ABCA1: variants seen among roughly 807,000 people sequenced by gnomAD.
ABCA1 encodes the protein ATP binding cassette subfamily A member 1.
ABCA1 carries 133 observed loss-of-function variants against 262.5 expected under a neutral mutation model. The ratio of observed to expected loss-of-function variants is 0.51; its 90% CI spans 0.44 to 0.59. The LOEUF (loss-of-function observed/expected upper bound fraction) is 0.59, where lower values mean the gene tolerates loss of function less well. Among genes scored for constraint, ABCA1 ranks in the 20% least tolerant of loss-of-function variants. ABCA1 has a pLI of 0.00. For synonymous variants in ABCA1, 1,022 were observed against 1,043.5 expected (o/e 0.98, Z 0.40); for missense variants, 2,452 against 2,777.5 (o/e 0.88, Z 2.63).
At chr9:104,843,502 C>T (rs1219727937) in intron 8 of ABCA1, among the ~76,000 whole-genome samples, 1 of 152,190 alleles carries the variant, frequency 6.6e-6, no homozygotes, top group African/African-American at 2.4e-5. Flanking sequence ...ACAACACAGG[C>T]TTTGGAATCC....
At chr9:104,785,278 A>G in intron 49 of ABCA1, 118 bp downstream of exon 49, 1 of 1,337,670 alleles carries the variant, frequency 7.5e-7, no homozygotes, top group East Asian at 2.4e-5. Context: ...TAGGAATAGT[A>G]GATCAGGAAT....
chr9:104,883,964 G>A (rs1053307411), intron 4 of ABCA1, among the ~76,000 whole-genome samples: 18 of 152,232 alleles, frequency 1.2e-4, no homozygotes, highest in Non-Finnish European at 2.1e-4. Flanking sequence ...AAGACCTGCA[G>A]ACATTGTAGT....
intron 44 of ABCA1, among the ~76,000 whole-genome samples, chr9:104,789,810 G>A (rs1202691350): frequency 1.3e-5 from 2 of 152,154 alleles, no homozygotes; most frequent in East Asian, 3.8e-4. Context: ...TAAGTCCAGA[G>A]AAGCCGGGCG....
chr9:104,819,540 C>T (rs769951913), intron 22 of ABCA1, 46 bp downstream of exon 22: 27 of 1,613,132 alleles, frequency 1.7e-5, no homozygotes, highest in South Asian at 3.3e-5. Context: ...AAAAGCCCCC[C>T]GCTCTCTCTC....
At position 104,788,239 on chromosome 9, in the gene ABCA1, G is replaced by C. The variant is rs1037975336; in HGVS notation, c.6070-185C>G. 2.0e-4 allele frequency among the ~76,000 whole-genome samples: 30 copies of C among 152,212 alleles called. 1 individual carries two copies. Among genetic ancestry groups the C allele is most frequent in the African/African-American group, 7.0e-4 (29 of 41,536 alleles). The stretch of plus-strand genomic sequence containing the variant: ...GTGGTGGGAGCAGCACTCCCTCTCT[G>C]CCCACCCAGCCCTGCCCCACCACCG... On this transcript the variant is annotated intron_variant, in intron 45 of 49. Transcript: ENST00000374736.
Position 104,814,479 on chromosome 9 carries a change from G to A in ABCA1, c.3739-4C>T. 1.9e-6 allele frequency: 3 copies of A among 1,613,988 alleles called. No individual in the cohort carries two copies. Among genetic ancestry groups the A allele is most frequent in the Non-Finnish European group, 2.5e-6 (3 of 1,179,912 alleles). ...CTTCGGCCACCTTGAGGAATATCTG[G>A]AAAATGAGAGAGATGAGAACATTAT... On this transcript the variant is annotated splice_region_variant and splice_polypyrimidine_tract_variant and intron_variant, in intron 25 of 49. Transcript: ENST00000374736.
At chr9:104,834,881 A>G (rs996184449) in intron 11 of ABCA1, among the ~76,000 whole-genome samples, 4 of 152,134 alleles carry the variant, frequency 2.6e-5, no homozygotes, top group Non-Finnish European at 5.9e-5. Context: ...CTCAGCCATC[A>G]CCTCGTGTAG....
intron 36 of ABCA1, among the ~76,000 whole-genome samples, chr9:104,798,999 C>T (rs1330851430): frequency 2.6e-5 from 4 of 152,150 alleles, no homozygotes; most frequent in Non-Finnish European, 5.9e-5. Flanking sequence ...TACTCTGTAA[C>T]TACTCAAATA....
chr9:104,799,727 T>G, intron 36 of ABCA1, 92 bp downstream of exon 36: 2 of 1,612,236 alleles, frequency 1.2e-6, no homozygotes, highest in Non-Finnish European at 1.7e-6. Context: ...TCTCTGCAGC[T>G]GTTCCCCTAC....
At position 104,819,647 on chromosome 9, in the gene ABCA1, T is replaced by C. The variant is rs931002316; in HGVS notation, c.3180A>G (p.Thr1060=). 8.7e-6 allele frequency: 14 copies of C among 1,614,034 alleles called. No individual in the cohort carries two copies. The highest frequency in any genetic ancestry group is 2.7e-5 in the African/African-American group (2 of 74,900). The part of the protein sequence containing the change: ...GSKVVILDEP[T]AGVDPYSRRG... Reference sequence around the variant, plus strand: ...TGCGGGAGTAAGGGTCCACACCAGCTGTGGGTTCATCCAGAATGACAACCT... The same window carrying C: ...TGCGGGAGTAAGGGTCCACACCAGCCGTGGGTTCATCCAGAATGACAACCT... The change falls in exon 22 of 50, where the codon ACA becomes ACG. Residue 1060 remains threonine, a synonymous_variant. Transcript: ENST00000374736.
intron 17 of ABCA1, 142 bp from the exon 18 acceptor site, chr9:104,824,720 A>G (rs895033965): frequency 9.4e-7 from 1 of 1,069,498 alleles, no homozygotes. Flanking sequence ...GGGAGCTAAC[A>G]TTTGCTGAAA....
rs1830186767 is a variant in ABCA1 at position 104,799,818 on chromosome 9, C to G, written c.4943+1G>C. On this transcript the variant is annotated splice_donor_variant, in intron 36 of 49. Transcript: ENST00000374736. LOFTEE classifies it high-confidence loss of function. ...ATCTATACAGACACAGCCACACTTA[C>G]AGAGCCACCTCTGAGAGCTGCTGCT... The G allele has an allele frequency of 6.2e-7, 1 of 1,614,168 alleles. No homozygotes were observed. Among genetic ancestry groups the G allele is most frequent in the Non-Finnish European group, 8.5e-7 (1 of 1,180,024 alleles).
rs933294777 is a variant in ABCA1, at chr9:104,781,543, A to G, written c.*2772T>C. On this transcript the variant is annotated 3_prime_UTR_variant, in exon 50 of 50. Coordinates refer to ENST00000374736, the MANE Select transcript of ABCA1 (RefSeq NM_005502.4). ...AAAACACAGACAAATGGCTTTAGTC[A>G]ATGATTACTATACAGTGAATGAATG... The G allele has an allele frequency of 2.0e-5, 3 of 152,644 alleles. No homozygotes were observed. The highest frequency in any genetic ancestry group is 7.2e-5 in the African/African-American group (3 of 41,470). The allele number at this position is 152,644 out of a possible 1,614,324, so 9.5% of individuals were successfully genotyped here. A position where few individuals can be genotyped will look rare whatever the true frequency, so the allele number is the denominator to read the frequency against.
At chr9:104,802,578 G>A (rs907030727) in intron 33 of ABCA1, among the ~76,000 whole-genome samples, 3 of 152,172 alleles carry the variant, frequency 2.0e-5, no homozygotes, top group African/African-American at 4.8e-5. Flanking sequence ...CTAGCATGAG[G>A]GCTATTATAG....
At chr9:104,820,373 T>C (rs1489265718) in intron 20 of ABCA1, among the ~76,000 whole-genome samples, 1 of 152,066 alleles carries the variant, frequency 6.6e-6, no homozygotes, top group Non-Finnish European at 1.5e-5. Flanking sequence ...ATGTGGTCTT[T>C]AATGGGCTGT....
chr9:104,791,145 T>C, intron 43 of ABCA1, 117 bp from the exon 44 acceptor site: 1 of 741,402 alleles, frequency 1.3e-6, no homozygotes, highest in Non-Finnish European at 2.4e-6. Flanking sequence ...ATCAAATATT[T>C]TCTTGGTTTT....
Position 104,827,089 on chromosome 9 carries a change from C to A in ABCA1, c.2196G>T (p.Gln732His), listed in dbSNP as rs187695583. 1.2e-6 allele frequency: 2 copies of A among 1,614,082 alleles called. No individual in the cohort carries two copies. The highest frequency in any genetic ancestry group is 1.7e-6 in the Non-Finnish European group (2 of 1,180,044). ...LSVFAVVTIL[Q>H]CFLISTLFSR... The stretch of plus-strand genomic sequence containing the variant: ...AGAAGAGTGTGCTAATCAGGAAGCA[C>A]TGCAGGATTGTCACCACAGCAAACA... Residue 732 changes from glutamine (Q) to histidine (H), a missense_variant, in exon 16 of 50, where the codon CAG (glutamine) becomes CAT (histidine). Around this residue, in one of 4 missense-constraint regions of ABCA1, gnomAD observed 1,032 missense variants for 1,089.7 expected, o/e 0.95. Transcript: ENST00000374736.
At chr9:104,851,099 A>G (rs894134782) in intron 7 of ABCA1, among the ~76,000 whole-genome samples, 6 of 152,192 alleles carry the variant, frequency 3.9e-5, no homozygotes, top group Non-Finnish European at 8.8e-5. Context: ...TCCTAAAAGC[A>G]TGGCATTCTG....
At chr9:104,866,601 C>G (rs905281656) in intron 5 of ABCA1, among the ~76,000 whole-genome samples, 1 of 152,136 alleles carries the variant, frequency 6.6e-6, no homozygotes, top group Non-Finnish European at 1.5e-5. Flanking sequence ...CCTGCCTCAG[C>G]CTCCCGAGTT....
Sources: gnomAD v4.1 joint callset for allele counts (sites outside exome capture counted in the v4.1 genomes callset) on GRCh38, gnomAD v4.1.1 for gene constraint, gnomAD v4.1.1 regional missense constraint, MANE v1.5 for transcripts, NCBI Gene and HGNC (gene_info 2026-07-23, HGNC 2026-07-21) for gene names.